TTLL6: variants seen among roughly 807,000 people sequenced by gnomAD.
TTLL6 encodes the protein tubulin tyrosine ligase like 6, also known as tubulin polyglutamylase TTLL6.
TTLL6 carries 75 observed loss-of-function variants against 96.4 expected under a neutral mutation model. The observed-to-expected ratio is 0.78, with a 90% CI of 0.65 to 0.94. The LOEUF (loss-of-function observed/expected upper bound fraction) is 0.94. Among genes scored for constraint, TTLL6 ranks in the 40% least tolerant of loss-of-function variants. The pLI is 0.00. For missense variants in TTLL6, 1,030 were observed against 1,093.0 expected, an observed-to-expected ratio of 0.94 and a Z score of 0.81; for synonymous variants, 411 against 419.4, an observed-to-expected ratio of 0.98 and a Z score of 0.24.
intron 13 of TTLL6, among the ~76,000 whole-genome samples, chr17:48,771,801 G>A (rs1451747954): frequency 6.6e-6 from 1 of 151,994 alleles, no homozygotes; most frequent in Non-Finnish European, 1.5e-5. Context: ...ATGGCCAGGT[G>A]CAGTGGCTCA....
rs142193014 is a variant in TTLL6, at chr17:48,788,080, G to A, written c.1401-81C>T. The stretch of plus-strand genomic sequence containing the variant: ...AAGGGATATGTCCAAGCTGGAGGTC[G>A]TCTAGGGCCAGATGGAGGCCTTGCA... On this transcript the variant is annotated intron_variant, in intron 10 of 15. Coordinates refer to ENST00000393382, the MANE Select transcript of TTLL6 (RefSeq NM_001130918.3). The A allele has an allele frequency of 5.9e-4, 820 of 1,380,642 alleles. 4 individuals carry two copies. In the African/African-American group the frequency reaches 0.011, roughly 18 times the overall value. The allele number at this position is 1,380,642 out of a possible 1,614,324, so 85.5% of individuals were successfully genotyped here.
In TTLL6 at chr17:48,789,938, C is replaced by T; in HGVS notation, c.1393G>A (p.Glu465Lys). 6.2e-7 allele frequency: 1 copy of T among 1,613,864 alleles called. No individual in the cohort carries two copies. The highest frequency in any genetic ancestry group is 8.5e-7 in the Non-Finnish European group (1 of 1,179,928). ...TGGGGAGTGCGAATGTACCTCATCT[C>T]CCGAGAACAACACTGCTGCAGGAAC... ...GQFLQQCCSR[E>K]MRIEEAKGFR... Residue 465 changes from glutamate (E) to lysine (K), a missense_variant, in exon 10 of 16, where the codon GAG (glutamate) becomes AAG (lysine). Glu to Lys is a moderately conservative substitution (Grantham distance 56). Transcript: ENST00000393382.
chr17:48,803,086 C>T (rs565720756), intron 3 of TTLL6, among the ~76,000 whole-genome samples: 2 of 152,194 alleles, frequency 1.3e-5, no homozygotes, highest in African/African-American at 4.8e-5. Flanking sequence ...AAGAAAATCG[C>T]TTGAGCCCAG....
intron 13 of TTLL6, among the ~76,000 whole-genome samples, chr17:48,784,638 A>G (rs1413457114): frequency 1.3e-5 from 2 of 152,134 alleles, no homozygotes; most frequent in African/African-American, 4.8e-5. Flanking sequence ...GTGAGAGAAT[A>G]AACGGTGTTG....
chr17:48,798,041 G>A (rs754953231), intron 6 of TTLL6, among the ~76,000 whole-genome samples: 16 of 152,068 alleles, frequency 1.1e-4, no homozygotes, highest in Non-Finnish European at 2.1e-4. Context: ...CTAGGAGGTC[G>A]AGGCTGCAGT....
chr17:48,807,662 C>G (rs1040897370), intron 1 of TTLL6, among the ~76,000 whole-genome samples: 2 of 151,866 alleles, frequency 1.3e-5, no homozygotes, highest in African/African-American at 4.8e-5. Flanking sequence ...CAGGCATGCA[C>G]CACCACACCC....
intron 5 of TTLL6, among the ~76,000 whole-genome samples, 178 bp downstream of exon 5, chr17:48,801,077 C>G (rs576162688): frequency 1.3e-5 from 2 of 152,326 alleles, no homozygotes; most frequent in East Asian, 1.9e-4. Flanking sequence ...ATTTTACAGG[C>G]AGAGCCTTGT....
chr17:48,804,879 T>C lies in TTLL6; in HGVS notation c.216A>G (p.Glu72=), dbSNP rs2039482962. The change falls in exon 2 of 16, where the codon GAA becomes GAG. Residue 72 remains glutamate, a synonymous_variant. Transcript: ENST00000393382. ...NSEEKGDSSK[E]DPKETVALAF... is the part of the protein sequence containing the mutation. ...CCAGCGCGACGGTTTCTTTTGGATC[T>C]TCTTTGGAACTGTCCCCCTTCTCTT... 6.4e-7 allele frequency: 1 copy of C among 1,552,204 alleles called. No individual in the cohort carries two copies. The highest frequency in any genetic ancestry group is 1.4e-5 in the African/African-American group (1 of 73,032).
At position 48,804,775 on chromosome 17, in the gene TTLL6, T is replaced by C. The variant is rs1301509209; in HGVS notation, c.320A>G (p.Lys107Arg). 1.3e-6 allele frequency: 2 copies of C among 1,552,080 alleles called. No individual in the cohort carries two copies. Reference protein sequence around the residue: ...QQQGKKKRKKKRLVINLSSCR... With the variant: ...QQQGKKKRKKRRLVINLSSCR... ...TTCCCCAGCTTTCAATCCTAACCTCTTTTTCTTCCTCTTCTTCTTGCCTTG... is the reference window on the plus strand; with the variant it reads ...TTCCCCAGCTTTCAATCCTAACCTCCTTTTCTTCCTCTTCTTCTTGCCTTG... Residue 107 changes from lysine (K) to arginine (R), a missense_variant, in exon 2 of 16, where the codon AAG becomes AGG. By Grantham distance (26) the Lys-to-Arg change is conservative (BLOSUM62 2). Coordinates refer to ENST00000393382, the MANE Select transcript of TTLL6 (RefSeq NM_001130918.3).
At chr17:48,804,043 T>G in intron 2 of TTLL6, 115 bp from the exon 3 acceptor site, 1 of 1,248,086 alleles carries the variant, frequency 8.0e-7, no homozygotes, top group Non-Finnish European at 1.1e-6. Context: ...TAGCCTGCCA[T>G]GCTAAGCCTG....
At chr17:48,810,206 G>A (rs1200670360) in intron 1 of TTLL6, among the ~76,000 whole-genome samples, 7 of 150,984 alleles carry the variant, frequency 4.6e-5, no homozygotes, top group Non-Finnish European at 1.0e-4. Flanking sequence ...TCTTGCATGA[G>A]AGGGCCTCAT....
At chr17:48,811,824 A>G (rs1468765682) in intron 1 of TTLL6, among the ~76,000 whole-genome samples, 2 of 151,668 alleles carry the variant, frequency 1.3e-5, no homozygotes, top group Non-Finnish European at 1.5e-5. Context: ...CAGCCTCCCA[A>G]ATAGCTGGGA....
chr17:48,786,501 G>T (rs375813661), intron 11 of TTLL6, among the ~76,000 whole-genome samples, 166 bp from the exon 12 acceptor site: 1 of 152,244 alleles, frequency 6.6e-6, no homozygotes, highest in Non-Finnish European at 1.5e-5. Flanking sequence ...GGAGCAGGGT[G>T]TGGAGGAAAG....
At position 48,785,005 on chromosome 17, in the gene TTLL6, G is replaced by C. The variant is rs751248325; in HGVS notation, c.1958C>G (p.Ser653Trp). Residue 653 changes from serine to tryptophan, a missense_variant, in exon 13 of 16, where the codon TCG (serine) becomes TGG (tryptophan). By Grantham distance (177) the Ser-to-Trp change is radical. Coordinates refer to ENST00000393382, the MANE Select transcript of TTLL6 (RefSeq NM_001130918.3). The stretch of plus-strand genomic sequence containing the variant: ...GTTGGGTTTACTGGGCTCCAACTTC[G>C]AGCTGCTGAGATTGATATTCCTCAG... ...PDLRNINLSS[S>W]KLEPSKPNFS... 6.2e-7 allele frequency: 1 copy of C among 1,614,176 alleles called. No individual in the cohort carries two copies. The highest frequency in any genetic ancestry group is 1.1e-5 in the South Asian group (1 of 91,082).
At chr17:48,769,343 A>G (rs1405603135) in intron 14 of TTLL6, 89 bp from the exon 15 acceptor site, 4 of 1,454,478 alleles carry the variant, frequency 2.8e-6, no homozygotes, top group African/African-American at 2.8e-5. Flanking sequence ...GTAGGGTCCC[A>G]TGGCCTGTAA....
At chr17:48,816,603 A>G (rs752636073) in intron 1 of TTLL6, among the ~76,000 whole-genome samples, 1 of 152,232 alleles carries the variant, frequency 6.6e-6, no homozygotes, top group Non-Finnish European at 1.5e-5. Context: ...GTTTCTCCAG[A>G]CAAAGGAAGA....
intron 8 of TTLL6, chr17:48,794,228 C>G: frequency 6.2e-7 from 1 of 1,614,048 alleles, no homozygotes; most frequent in Non-Finnish European, 8.5e-7. Context: ...CCCGAGACAC[C>G]CCTCCATCAC....
chr17:48,779,132 T>A (rs146364906), intron 13 of TTLL6, among the ~76,000 whole-genome samples: 3,424 of 151,682 alleles, frequency 0.023, 50 homozygotes, highest in Admixed American at 0.035. Context: ...GGATGAAAAC[T>A]TGAATATACT....
At position 48,769,898 on chromosome 17, in the gene TTLL6, G is replaced by C; in HGVS notation, c.2240C>G (p.Thr747Arg). Residue 747 changes from threonine (T) to arginine (R), a missense_variant, in exon 14 of 16, where the codon ACA becomes AGA. By Grantham distance (71) the Thr-to-Arg change is moderately conservative. Coordinates refer to ENST00000393382, the MANE Select transcript of TTLL6 (RefSeq NM_001130918.3). ...ACTCTCCCAGAAGCTCTTGGATTTT[G>C]TGGGCAGAAAAGATTTTAACATTTT... is the stretch of plus-strand genomic sequence containing the variant. ...QKKMLKSFLP[T>R]KSKSFWESPN... The C allele has an allele frequency of 6.2e-7, 1 of 1,614,204 alleles. No homozygotes were observed. Among genetic ancestry groups the C allele is most frequent in the Non-Finnish European group, 8.5e-7 (1 of 1,180,038 alleles).
Sources: allele counts gnomAD v4.1 joint callset (sites outside exome capture counted in the v4.1 genomes callset), GRCh38; gene constraint gnomAD v4.1.1; transcripts MANE v1.5; gene names NCBI Gene and HGNC (gene_info 2026-07-23, HGNC 2026-07-21).